ALK: variants seen among roughly 807,000 people sequenced by gnomAD.
ALK encodes the protein ALK receptor tyrosine kinase.
A neutral mutation model predicts 163.1 loss-of-function variants in ALK; 74 were observed. That is an observed-to-expected ratio of 0.45 (90% CI 0.38 to 0.55). ALK has a LOEUF of 0.55. Among genes scored for constraint, ALK ranks in the 20% least tolerant of loss-of-function variants. The pLI is 0.00. For missense variants in ALK, 2,063 were observed against 2,105.3 expected, an observed-to-expected ratio of 0.98 and a Z score of 0.39; for synonymous variants, 960 against 843.2, an observed-to-expected ratio of 1.14 and a Z score of -2.40.
intron 3 of ALK, among the ~76,000 whole-genome samples, chr2:29,639,710 C>T (rs954179294): frequency 1.3e-5 from 2 of 152,124 alleles, no homozygotes; most frequent in African/African-American, 2.4e-5. Context: ...ACATGGTTCA[C>T]GAATTCAGTG....
intron 1 of ALK, among the ~76,000 whole-genome samples, chr2:29,768,326 G>A (rs533258743): frequency 6.6e-6 from 1 of 152,226 alleles, no homozygotes; most frequent in Admixed American, 6.5e-5. Context: ...ACTTCAGGGA[G>A]AGCTGATGGC....
intron 4 of ALK, among the ~76,000 whole-genome samples, chr2:29,467,535 G>T (rs1671241909): frequency 6.6e-6 from 1 of 152,048 alleles, no homozygotes; most frequent in Admixed American, 6.6e-5. Flanking sequence ...GTTTTAAAAG[G>T]TACAAGGATG....
chr2:29,635,890 G>A (rs564384271), intron 3 of ALK, among the ~76,000 whole-genome samples: 19 of 151,788 alleles, frequency 1.3e-4, no homozygotes, highest in African/African-American at 2.2e-4. Flanking sequence ...CTCGACCTCC[G>A]AAAGTGCTGG....
chr2:29,196,071 A>C (rs891938950), intron 28 of ALK, among the ~76,000 whole-genome samples: 9 of 152,010 alleles, frequency 5.9e-5, no homozygotes, highest in Non-Finnish European at 1.3e-4. Context: ...AATGAGGGAG[A>C]GAAGCAAAAA....
chr2:29,845,426 C>G (rs1461329148), intron 1 of ALK, among the ~76,000 whole-genome samples: 1 of 95,702 alleles, frequency 1.0e-5, no homozygotes, highest in Non-Finnish European at 2.1e-5. Context: ...AAGGCTTCCT[C>G]AACCTTTAAC....
At chr2:29,844,845 C>A (rs1052270271) in intron 1 of ALK, among the ~76,000 whole-genome samples, 1 of 135,480 alleles carries the variant, frequency 7.4e-6, no homozygotes, top group African/African-American at 2.8e-5. Flanking sequence ...CACCTTCACC[C>A]TGATAACCCC....
At chr2:29,698,991 G>A (rs1477581632) in intron 2 of ALK, among the ~76,000 whole-genome samples, 1 of 152,090 alleles carries the variant, frequency 6.6e-6, no homozygotes, top group African/African-American at 2.4e-5. Flanking sequence ...TAATACCTTG[G>A]GACTTGCCTA....
intron 1 of ALK, among the ~76,000 whole-genome samples, chr2:29,799,668 G>A (rs565493702): frequency 1.2e-4 from 19 of 152,288 alleles, no homozygotes; most frequent in African/African-American, 3.1e-4. Flanking sequence ...GGGTCACAGA[G>A]CAAGCCCTGA....
chr2:29,837,362 C>A (rs183364885), intron 1 of ALK, among the ~76,000 whole-genome samples: 18 of 151,368 alleles, frequency 1.2e-4, no homozygotes, highest in Admixed American at 6.6e-5. Flanking sequence ...AAGAAGGGAG[C>A]AGTGCAAACA....
chr2:29,321,666 TG>T (rs1667053614), intron 6 of ALK, among the ~76,000 whole-genome samples: 2 of 152,220 alleles, frequency 1.3e-5, no homozygotes, highest in Admixed American at 6.5e-5. Flanking sequence ...TCTGCCAGCC[TG>T]GGTCCCTGAG....
intron 3 of ALK, among the ~76,000 whole-genome samples, chr2:29,685,741 G>T (rs1185378979): frequency 6.6e-6 from 1 of 152,148 alleles, no homozygotes; most frequent in Non-Finnish European, 1.5e-5. Context: ...GAAAGTGGGG[G>T]GCTGAAAATG....
chr2:29,696,808 C>T (rs368049274), intron 2 of ALK, among the ~76,000 whole-genome samples: 3 of 152,024 alleles, frequency 2.0e-5, no homozygotes, highest in Admixed American at 1.3e-4. Context: ...CCCTGACCCA[C>T]GTCTAACCCT....
At chr2:29,613,801 T>C (rs967955423) in intron 3 of ALK, among the ~76,000 whole-genome samples, 6 of 152,178 alleles carry the variant, frequency 3.9e-5, no homozygotes, top group East Asian at 1.9e-4. Context: ...ATTATCAAGA[T>C]TGATTTTCTC....
intron 5 of ALK, among the ~76,000 whole-genome samples, chr2:29,352,401 C>T (rs972364891): frequency 6.6e-5 from 10 of 152,212 alleles, no homozygotes; most frequent in South Asian, 2.1e-4. Context: ...CACGTGGTCA[C>T]GAAAGAAGTG....
At chr2:29,746,312 T>C (rs551172481) in intron 1 of ALK, among the ~76,000 whole-genome samples, 3 of 152,276 alleles carry the variant, frequency 2.0e-5, no homozygotes, top group Middle Eastern at 6.8e-3. Flanking sequence ...CAATTAATTT[T>C]TATGGAAAAT....
chr2:29,624,370 G>C (rs1175030168), intron 3 of ALK, among the ~76,000 whole-genome samples: 1 of 152,202 alleles, frequency 6.6e-6, no homozygotes, highest in African/African-American at 2.4e-5. Context: ...GAGTATTTCT[G>C]TTACAAAGGG....
chr2:29,504,501 G>A (rs1384032801), intron 4 of ALK, among the ~76,000 whole-genome samples: 1 of 152,172 alleles, frequency 6.6e-6, no homozygotes, highest in Non-Finnish European at 1.5e-5. Flanking sequence ...GACCAGGTGA[G>A]AGATTATGGT....
Position 29,920,068 on chromosome 2 carries a change from C to T in ALK, c.592G>A (p.Val198Met), listed in dbSNP as rs77677701. ...GCGGACAGCCTTCCCTCTCTGCCCA[C>T]TTCCGACGCCTTCTTCTCGGGCATC... ...RLMPEKKASE[V>M]GREGRLSAAI... The change falls in exon 1 of 29, where the codon GTG becomes ATG. Residue 198 changes from valine (V) to methionine (M), a missense_variant. Physicochemically the swap from Val to Met is conservative, Grantham distance 21 (BLOSUM62 1). Transcript: ENST00000389048. The T allele has an allele frequency of 3.4e-4, 554 of 1,614,220 alleles. 3 individuals are homozygous for T. The African/African-American group carries it at 6.6e-3, about 19-fold the overall frequency.
At position 29,394,252 on chromosome 2, in the gene ALK, A is replaced by G. The variant is rs147263875; in HGVS notation, c.1155-10393T>C. Among the ~76,000 whole-genome samples, 295 of 152,150 alleles carry G rather than the reference A, an allele frequency of 1.9e-3. 3 individuals carry two copies. Among genetic ancestry groups the G allele is most frequent in the South Asian group, 0.018 (88 of 4,824 alleles). Reference sequence around the variant, plus strand: ...CTTTGCTCTGGTTTGTATAAAAAATATATAGAAGATGCATCAGTGGTTTTT... The same window carrying G: ...CTTTGCTCTGGTTTGTATAAAAAATGTATAGAAGATGCATCAGTGGTTTTT... On this transcript the variant is annotated intron_variant, in intron 4 of 28. Transcript: ENST00000389048.
Sources: allele counts gnomAD v4.1 joint callset (sites outside exome capture counted in the v4.1 genomes callset), GRCh38; gene constraint gnomAD v4.1.1; transcripts MANE v1.5; gene names NCBI Gene and HGNC (gene_info 2026-07-23, HGNC 2026-07-21).